Variants in DPYD observed in about 807,000 individuals in gnomAD.
DPYD encodes dihydropyrimidine dehydrogenase [NADP(+)].
In DPYD, 109 loss-of-function variants were observed where a neutral mutation model predicts 116.2. The observed-to-expected ratio is 0.94, with a 90% CI of 0.80 to 1.10. DPYD has a LOEUF of 1.10. Among genes scored for constraint, DPYD ranks in the 50% least tolerant of loss-of-function variants. DPYD has a pLI of 0.00. For synonymous variants in DPYD, 440 were observed against 432.0 expected (o/e 1.02, Z -0.23); for missense variants, 1,302 against 1,254.5 (o/e 1.04, Z -0.57).
Position 97,078,715 on chromosome 1 carries a change from G to A in DPYD, c.*261C>T. 1 of 466,862 alleles carries A rather than the reference G, an allele frequency of 2.1e-6. No homozygotes were observed. The highest frequency in any genetic ancestry group is 2.2e-5 in the South Asian group (1 of 45,740). The allele number at this position is 466,862 out of a possible 1,614,324, so 28.9% of individuals were successfully genotyped here. A position where few individuals can be genotyped will look rare whatever the true frequency, so the allele number is the denominator to read the frequency against. On this transcript the variant is annotated 3_prime_UTR_variant, in exon 23 of 23. Transcript: ENST00000370192. ...AATTTTTCACATAAGACAACTGGCA[G>A]TGAACATCCAATTAACTGCCACACA...
At chr1:97,160,586 C>T (rs867005274) in intron 20 of DPYD, among the ~76,000 whole-genome samples, 1 of 151,974 alleles carries the variant, frequency 6.6e-6, no homozygotes, top group Non-Finnish European at 1.5e-5. Context: ...GCTATTAGCC[C>T]CCCTCTAGTT....
At chr1:97,301,507 T>G (rs1479886750) in intron 18 of DPYD, among the ~76,000 whole-genome samples, 1 of 152,160 alleles carries the variant, frequency 6.6e-6, no homozygotes, top group African/African-American at 2.4e-5. Context: ...TCTGCACTCT[T>G]TCCTATATAT....
chr1:97,751,446 GTGTGTGTGTGTGTGTATATATATA>G (rs747290843), intron 3 of DPYD, among the ~76,000 whole-genome samples: 6,604 of 42,776 alleles, frequency 0.15, 219 homozygotes, highest in South Asian at 0.34. Context: ...GTGTGTGTGT[GTGTGTGTGTGTGTGTATATATATA>G]TATATATATA....
chr1:97,323,392 GTATA>G (rs1668460643), intron 16 of DPYD, among the ~76,000 whole-genome samples: 1 of 80,174 alleles, frequency 1.2e-5, no homozygotes, highest in African/African-American at 3.7e-5. Context: ...GTACACGTAT[GTATA>G]CATATGTGTA....
At chr1:97,131,443 C>T (rs1293629619) in intron 20 of DPYD, among the ~76,000 whole-genome samples, 1 of 152,102 alleles carries the variant, frequency 6.6e-6, no homozygotes, top group Non-Finnish European at 1.5e-5. Flanking sequence ...CACAAAAAGG[C>T]CATTAATATC....
At chr1:97,195,644 A>G (rs12086529) in intron 19 of DPYD, among the ~76,000 whole-genome samples, 555 of 6,914 alleles carry the variant, frequency 0.08, 22 homozygotes, top group East Asian at 0.14. Context: ...GTATATATAT[A>G]TATATATATA....
chr1:97,405,603 C>T (rs947137859), intron 14 of DPYD, among the ~76,000 whole-genome samples: 1 of 152,062 alleles, frequency 6.6e-6, no homozygotes, highest in Non-Finnish European at 1.5e-5. Flanking sequence ...GCAACCTCTG[C>T]CTCCCAGGTT....
chr1:97,301,452 T>G (rs1220694606), intron 18 of DPYD, among the ~76,000 whole-genome samples: 1 of 151,964 alleles, frequency 6.6e-6, no homozygotes, highest in Admixed American at 6.6e-5. Flanking sequence ...GGAAGTAAAT[T>G]ATATTGAGCC....
At chr1:97,831,744 G>C (rs1382634838) in intron 2 of DPYD, among the ~76,000 whole-genome samples, 1 of 151,834 alleles carries the variant, frequency 6.6e-6, no homozygotes. Flanking sequence ...AAAGGGGACA[G>C]AGAGAATGAA....
At position 97,851,263 on chromosome 1, in the gene DPYD, T is replaced by TATATAG. The variant is rs1224644511; in HGVS notation, c.151-23068_151-23067insCTATAT. 2.6e-5 allele frequency among the ~76,000 whole-genome samples: 4 copies of TATATAG among 150,968 alleles called. No individual in the cohort carries two copies. In the South Asian group the frequency reaches 8.4e-4, roughly 32 times the overall value. On this transcript the variant is annotated intron_variant, in intron 2 of 22. Coordinates refer to ENST00000370192, the MANE Select transcript of DPYD (RefSeq NM_000110.4). Reference sequence around the variant, plus strand: ...TGTCTAATTACCATATATATATATATATATGTCACTTCTGTTGCCCTTTAT... The same window carrying TATATAG: ...TGTCTAATTACCATATATATATATATATATAGATATGTCACTTCTGTTGCCCTTTAT...
At chr1:97,399,785 TG>T (rs1673258859) in intron 14 of DPYD, among the ~76,000 whole-genome samples, 1 of 152,206 alleles carries the variant, frequency 6.6e-6, no homozygotes, top group African/African-American at 2.4e-5. Context: ...TTGTGATTTT[TG>T]TACATTGATT....
intron 18 of DPYD, among the ~76,000 whole-genome samples, chr1:97,283,171 T>C (rs1175131510): frequency 1.3e-5 from 2 of 152,180 alleles, no homozygotes; most frequent in South Asian, 2.1e-4. Context: ...GAAAAGTTAA[T>C]ACTTAGACTT....
chr1:97,899,668 A>C (rs1264070170), intron 1 of DPYD, among the ~76,000 whole-genome samples: 2 of 151,896 alleles, frequency 1.3e-5, no homozygotes, highest in Non-Finnish European at 2.9e-5. Context: ...TTAATTTTAT[A>C]GAGCACCTGG....
chr1:97,579,049 A>T (rs1428466503), intron 10 of DPYD, among the ~76,000 whole-genome samples: 1 of 152,262 alleles, frequency 6.6e-6, no homozygotes, highest in Admixed American at 6.5e-5. Context: ...TACCTTATTT[A>T]ACATTCTATC....
chr1:97,794,472 T>G (rs543051122), intron 3 of DPYD, among the ~76,000 whole-genome samples: 1 of 152,346 alleles, frequency 6.6e-6, no homozygotes, highest in South Asian at 2.1e-4. Context: ...CATTCACCAT[T>G]ATAGAAAAGC....
intron 20 of DPYD, among the ~76,000 whole-genome samples, chr1:97,129,749 T>G (rs1028508166): frequency 6.6e-6 from 1 of 152,226 alleles, no homozygotes; most frequent in Non-Finnish European, 1.5e-5. Flanking sequence ...GAAAGTCTAC[T>G]GTCATTGCAT....
intron 5 of DPYD, among the ~76,000 whole-genome samples, chr1:97,713,558 G>A (rs541873131): frequency 6.6e-6 from 1 of 152,188 alleles, no homozygotes; most frequent in East Asian, 1.9e-4. Flanking sequence ...GATTTTTGGA[G>A]AAGAATGTCA....
intron 4 of DPYD, among the ~76,000 whole-genome samples, chr1:97,737,537 G>T (rs927596252): frequency 4.6e-5 from 7 of 152,236 alleles, no homozygotes; most frequent in African/African-American, 1.7e-4. Flanking sequence ...GAGCAAGGAA[G>T]TCAGAATTTG....
At chr1:97,650,769 G>T (rs1343762991) in intron 8 of DPYD, among the ~76,000 whole-genome samples, 1 of 151,734 alleles carries the variant, frequency 6.6e-6, no homozygotes, top group East Asian at 1.9e-4. Context: ...TTCCTATTAT[G>T]AATATTATCA....
Sources: allele counts gnomAD v4.1 joint callset (sites outside exome capture counted in the v4.1 genomes callset), GRCh38; gene constraint gnomAD v4.1.1; transcripts MANE v1.5; gene names NCBI Gene and HGNC (gene_info 2026-07-23, HGNC 2026-07-21).